The following SMIM13 variants were observed in gnomAD, a reference collection of about 807,000 sequenced individuals.
SMIM13 encodes the protein small integral membrane protein 13, also known as UPF0766 protein C6orf228.
In SMIM13, 3 loss-of-function variants were observed where a neutral mutation model predicts 5.9. The observed-to-expected ratio is 0.51, with a 90% confidence interval of 0.23 to 1.31. SMIM13 has a LOEUF of 1.31. Among genes scored for constraint, SMIM13 ranks in the 40% most tolerant of loss-of-function variants. The pLI is 0.18. For synonymous variants in SMIM13, 55 were observed against 46.0 expected (o/e 1.19, Z -0.79); for missense variants, 85 against 109.9 (o/e 0.77, Z 1.01).
At chr6:11,125,292 C>T (rs1758363678) in intron 1 of SMIM13, among the ~76,000 whole-genome samples, 1 of 65,052 alleles carries the variant, frequency 1.5e-5, no homozygotes. Context: ...GAGACTCCAT[C>T]TTAAAAAAAA....
chr6:11,129,909 G>GT (rs1037391513), intron 1 of SMIM13, among the ~76,000 whole-genome samples: 27 of 152,056 alleles, frequency 1.8e-4, no homozygotes, highest in Non-Finnish European at 3.1e-4. Flanking sequence ...TTTAATAATG[G>GT]TTTTTTCCCT....
In SMIM13 at chr6:11,136,579, G is replaced by C. The variant is rs1355156890; in HGVS notation, c.*1977G>C. On this transcript the variant is annotated 3_prime_UTR_variant, in exon 2 of 2. Coordinates refer to ENST00000416247, the MANE Select transcript of SMIM13 (RefSeq NM_001135575.2). ...CAATGTTTGTGATGAACACCTTTTT[G>C]CTATATTGTAGCTCTTGGAGATACT... The C allele has an allele frequency of 1.3e-5, 2 of 151,996 alleles. No individual in the cohort carries two copies. The highest frequency in any genetic ancestry group is 2.9e-5 in the Non-Finnish European group (2 of 68,000). 9.4% of individuals were successfully genotyped at this position (151,996 alleles called of 1,614,324 possible).
intron 1 of SMIM13, among the ~76,000 whole-genome samples, chr6:11,128,374 T>C (rs1453226820): frequency 6.6e-6 from 1 of 152,298 alleles, no homozygotes; most frequent in African/African-American, 2.4e-5. Context: ...TATTCTAGTA[T>C]GGCTAAGCTG....
chr6:11,135,649 G>C lies in SMIM13; in HGVS notation c.*1047G>C, dbSNP rs1758509116. The C allele has an allele frequency of 6.6e-6, 1 of 152,568 alleles. No homozygotes were observed. The highest frequency in any genetic ancestry group is 2.1e-4 in the South Asian group (1 of 4,818). The allele number at this position is 152,568 out of a possible 1,614,324, so 9.5% of individuals were successfully genotyped here. On this transcript the variant is annotated 3_prime_UTR_variant, in exon 2 of 2. Coordinates refer to ENST00000416247, the MANE Select transcript of SMIM13 (RefSeq NM_001135575.2). ...GAAAAATGCAGACATCAATGACTGT[G>C]GTTTGAAAAGTGATTCAGAAGAGTT... is the stretch of plus-strand genomic sequence containing the variant.
intron 1 of SMIM13, chr6:11,104,235 G>A (rs1291353529): frequency 1.3e-5 from 20 of 1,551,660 alleles, no homozygotes; most frequent in South Asian, 5.9e-5. Flanking sequence ...GCCGAGTCCC[G>A]CGAGAAGGGG....
At chr6:11,108,701 T>C (rs1055840159) in intron 1 of SMIM13, among the ~76,000 whole-genome samples, 2 of 152,212 alleles carry the variant, frequency 1.3e-5, no homozygotes, top group Non-Finnish European at 2.9e-5. Flanking sequence ...CTCCTGGTTT[T>C]GGTTGTAAAA....
At chr6:11,129,086 G>C (rs1050666211) in intron 1 of SMIM13, among the ~76,000 whole-genome samples, 7 of 151,330 alleles carry the variant, frequency 4.6e-5, no homozygotes, top group African/African-American at 1.7e-4. Context: ...AGCGGGGGGG[G>C]GATGATCACT....
At position 11,116,992 on chromosome 6, in the gene SMIM13, T is replaced by C. The variant is rs1460428961; in HGVS notation, c.77-17411T>C. On this transcript the variant is annotated intron_variant, in intron 1 of 1. Coordinates refer to ENST00000416247, the MANE Select transcript of SMIM13 (RefSeq NM_001135575.2). ...TAATGATAATTGTTTCTTTTTTTTTTTTTTTTTTTTTTTTTTTGAGACGTA... is the reference window on the plus strand; with the variant it reads ...TAATGATAATTGTTTCTTTTTTTTTCTTTTTTTTTTTTTTTTTGAGACGTA... Among the ~76,000 whole-genome samples the C allele has an allele frequency of 4.2e-5, 5 of 119,880 alleles. No individual in the cohort carries two copies. In the East Asian group the frequency reaches 9.4e-4, roughly 23 times the overall value. The allele number at this position is 119,880 out of a possible 152,430, so 78.6% of individuals were successfully genotyped here. A position where few individuals can be genotyped will look rare whatever the true frequency, so the allele number is the denominator to read the frequency against.
At chr6:11,119,435 A>T (rs1758283390) in intron 1 of SMIM13, among the ~76,000 whole-genome samples, 1 of 152,134 alleles carries the variant, frequency 6.6e-6, no homozygotes, top group African/African-American at 2.4e-5. Context: ...CAGGCGAATC[A>T]CGAGGTCAGG....
Position 11,134,689 on chromosome 6 carries a change from A to G in SMIM13, c.*87A>G. ...TGAAATTTACTAATGACTGAAGAAC[A>G]TTTGTATTGGATTTTAAGTCGAATT... On this transcript the variant is annotated 3_prime_UTR_variant, in exon 2 of 2. Coordinates refer to ENST00000416247, the MANE Select transcript of SMIM13 (RefSeq NM_001135575.2). 2 of 1,035,780 alleles carry G rather than the reference A, an allele frequency of 1.9e-6. No individual in the cohort carries two copies. The highest frequency in any genetic ancestry group is 1.3e-6 in the Non-Finnish European group (1 of 764,180). The allele number at this position is 1,035,780 out of a possible 1,614,324, so 64.2% of individuals were successfully genotyped here.
Position 11,136,736 on chromosome 6 carries a change from C to T in SMIM13, c.*2134C>T, listed in dbSNP as rs933706551. 16 of 151,860 alleles carry T rather than the reference C, an allele frequency of 1.1e-4. No homozygotes were observed. Among genetic ancestry groups the T allele is most frequent in the Admixed American group, 1.0e-3 (16 of 15,244 alleles). The allele number at this position is 151,860 out of a possible 1,614,324, so 9.4% of individuals were successfully genotyped here. A position where few individuals can be genotyped will look rare whatever the true frequency, so the allele number is the denominator to read the frequency against. On this transcript the variant is annotated 3_prime_UTR_variant, in exon 2 of 2. Transcript: ENST00000416247. The stretch of plus-strand genomic sequence containing the variant: ...TACAATTTTCTATTTTTATGTGACT[C>T]TAGGGCATAACAAAACAGTGACAGT...
Position 11,105,360 on chromosome 6 carries a change from G to A in SMIM13, c.76+10971G>A, listed in dbSNP as rs753631969. ...AAAACGAGCTGCCAATGGAACTCCT[G>A]GTGGTGTACAAGTTAGGGTTAAAAT... On this transcript the variant is annotated intron_variant, in intron 1 of 1. Transcript: ENST00000416247. 29 of 1,412,212 alleles carry A rather than the reference G, an allele frequency of 2.1e-5. No individual in the cohort carries two copies. In the East Asian group the frequency reaches 6.4e-4, roughly 31 times the overall value. 87.5% of individuals were successfully genotyped at this position (1,412,212 alleles called of 1,614,324 possible). A position where few individuals can be genotyped will look rare whatever the true frequency, so the allele number is the denominator to read the frequency against.
At chr6:11,096,187 C>G (rs1368031669) in intron 1 of SMIM13, among the ~76,000 whole-genome samples, 1 of 152,212 alleles carries the variant, frequency 6.6e-6, no homozygotes, top group Non-Finnish European at 1.5e-5. Context: ...AATTTTTCCA[C>G]AGACGGAGCA....
rs138460985 is a variant in SMIM13, at chr6:11,107,534, A to C, written c.76+13145A>C. Among the ~76,000 whole-genome samples the C allele has an allele frequency of 8.0e-3, 1,225 of 152,344 alleles. 21 individuals are homozygous for C. Among genetic ancestry groups the C allele is most frequent in the Non-Finnish European group, 0.011 (736 of 68,028 alleles). On this transcript the variant is annotated intron_variant, in intron 1 of 1. Transcript: ENST00000416247. ...CTGAAACCCTGTTGAAGCACTGTGC[A>C]GGTGAGCTGTTGACTCCTTCCTTTT...
rs138112969 is a variant in SMIM13, at chr6:11,109,730, AC to A, written c.76+15342del. ...GCTTTTATTCAACCCAGGCTGTATT[AC>A]AGAAAAATATTAGCCTTTTCCTTTT... On this transcript the variant is annotated intron_variant, in intron 1 of 1. Coordinates refer to ENST00000416247, the MANE Select transcript of SMIM13 (RefSeq NM_001135575.2). 4.3e-3 allele frequency among the ~76,000 whole-genome samples: 658 copies of A among 152,320 alleles called. 2 individuals carry two copies. Among genetic ancestry groups the A allele is most frequent in the African/African-American group, 0.015 (625 of 41,572 alleles).
chr6:11,104,135 A>G (rs1398124831), intron 1 of SMIM13: 3 of 1,551,652 alleles, frequency 1.9e-6, no homozygotes, highest in Admixed American at 3.9e-5. Context: ...CCATGGTGTC[A>G]ATGTTGTTGG....
chr6:11,118,660 C>A (rs553440571), intron 1 of SMIM13, among the ~76,000 whole-genome samples: 1 of 152,218 alleles, frequency 6.6e-6, no homozygotes, highest in East Asian at 1.9e-4. Flanking sequence ...GTAGAACGAT[C>A]TAAAAGTTAT....
chr6:11,117,339 ATT>A (rs34219527), intron 1 of SMIM13, among the ~76,000 whole-genome samples: 29,682 of 132,966 alleles, frequency 0.22, 3,389 homozygotes, highest in East Asian at 0.39. Context: ...AATTTTTTGT[ATT>A]TTTTTTTTTT....
chr6:11,128,972 A>C (rs1758415212), intron 1 of SMIM13, among the ~76,000 whole-genome samples: 1 of 151,928 alleles, frequency 6.6e-6, no homozygotes, highest in Non-Finnish European at 1.5e-5. Context: ...CTCTTTTATT[A>C]ATATGATGTT....
Sources: allele counts gnomAD v4.1 joint callset (sites outside exome capture counted in the v4.1 genomes callset), GRCh38; gene constraint gnomAD v4.1.1; transcripts MANE v1.5; gene names NCBI Gene and HGNC (gene_info 2026-07-23, HGNC 2026-07-21).